EYS: variants seen among roughly 807,000 people sequenced by gnomAD.
EYS encodes protein eyes shut homolog.
EYS carries 250 observed loss-of-function variants against 282.1 expected under a neutral mutation model. The ratio of observed to expected loss-of-function variants is 0.89; its 90% confidence interval spans 0.80 to 0.98. The LOEUF (loss-of-function observed/expected upper bound fraction) is 0.98. Ranked by LOEUF, EYS falls within the 50% of genes least tolerant of loss-of-function variation. EYS has a pLI of 0.00. For missense variants in EYS, 4,016 were observed against 3,709.0 expected, an observed-to-expected ratio of 1.08 and a Z score of -2.15; for synonymous variants, 1,355 against 1,282.9, an observed-to-expected ratio of 1.06 and a Z score of -1.20.
At chr6:64,297,995 AAAAATT>A (rs1298474642) in intron 30 of EYS, among the ~76,000 whole-genome samples, 2 of 151,618 alleles carry the variant, frequency 1.3e-5, no homozygotes, top group African/African-American at 2.4e-5. Context: ...AAAAAAAAAA[AAAAATT>A]AGGTAGAAAT....
intron 22 of EYS, among the ~76,000 whole-genome samples, chr6:64,715,658 T>C (rs1452686860): frequency 6.6e-6 from 1 of 152,174 alleles, no homozygotes; most frequent in African/African-American, 2.4e-5. Context: ...ATGTACCAAC[T>C]GGGAGAAAGA....
chr6:63,981,863 A>T (rs1767114384), intron 35 of EYS, among the ~76,000 whole-genome samples: 1 of 151,918 alleles, frequency 6.6e-6, no homozygotes, highest in African/African-American at 2.4e-5. Context: ...TCTTGAATAT[A>T]CATCTTTGAT....
intron 22 of EYS, among the ~76,000 whole-genome samples, chr6:64,696,797 G>A (rs1400299901): frequency 6.6e-6 from 1 of 152,134 alleles, no homozygotes; most frequent in Non-Finnish European, 1.5e-5. Context: ...CAAATGCTAA[G>A]GAAATTTGTC....
chr6:64,727,087 A>G (rs2149948609), intron 22 of EYS, among the ~76,000 whole-genome samples: 1 of 152,326 alleles, frequency 6.6e-6, no homozygotes, highest in East Asian at 1.9e-4. Flanking sequence ...ATACAAAAAT[A>G]TAAGTGTAAT....
intron 29 of EYS, among the ~76,000 whole-genome samples, chr6:64,386,157 G>A (rs1454135974): frequency 1.3e-5 from 2 of 152,142 alleles, no homozygotes; most frequent in Non-Finnish European, 2.9e-5. Context: ...ATATTCAGCA[G>A]GAACACACAC....
intron 22 of EYS, among the ~76,000 whole-genome samples, chr6:64,667,159 G>C (rs963627427): frequency 6.7e-6 from 1 of 149,416 alleles, no homozygotes; most frequent in Non-Finnish European, 1.5e-5. Flanking sequence ...AGAGCACAGA[G>C]AACTTATTAA....
At chr6:64,404,780 T>C (rs1773654313) in intron 28 of EYS, among the ~76,000 whole-genome samples, 1 of 152,144 alleles carries the variant, frequency 6.6e-6, no homozygotes, top group African/African-American at 2.4e-5. Flanking sequence ...ATCAGTGGAC[T>C]GGCAGAATTA....
At chr6:65,485,700 GAGCGTA>G (rs1765758683) in intron 5 of EYS, among the ~76,000 whole-genome samples, 1 of 152,132 alleles carries the variant, frequency 6.6e-6, no homozygotes, top group African/African-American at 2.4e-5. Context: ...AGCTACTTGG[GAGCGTA>G]AGACAGGCAA....
At chr6:65,558,801 AGAG>A (rs1243337597) in intron 2 of EYS, among the ~76,000 whole-genome samples, 1 of 152,226 alleles carries the variant, frequency 6.6e-6, no homozygotes, top group African/African-American at 2.4e-5. Context: ...GAGAACACAC[AGAG>A]GATAATTCTA....
At chr6:64,549,037 A>G (rs540046644) in intron 26 of EYS, among the ~76,000 whole-genome samples, 7 of 152,242 alleles carry the variant, frequency 4.6e-5, no homozygotes, top group African/African-American at 1.7e-4. Flanking sequence ...GAAGCACTCA[A>G]ATCACCTTAT....
chr6:64,329,070 T>G (rs1177241629), intron 29 of EYS, among the ~76,000 whole-genome samples: 1 of 152,112 alleles, frequency 6.6e-6, no homozygotes, highest in East Asian at 1.9e-4. Context: ...TTATGAGGAC[T>G]GAGACAGACC....
intron 29 of EYS, among the ~76,000 whole-genome samples, chr6:64,333,030 C>T (rs1435962865): frequency 1.3e-5 from 2 of 152,060 alleles, no homozygotes; most frequent in Admixed American, 1.3e-4. Flanking sequence ...TAGTAGAAGC[C>T]TGGTCCAGAA....
chr6:65,525,471 A>T (rs1364777956), intron 2 of EYS, among the ~76,000 whole-genome samples: 4 of 152,158 alleles, frequency 2.6e-5, no homozygotes, highest in African/African-American at 7.2e-5. Context: ...AACTTAACTC[A>T]TGATCTGCTA....
At chr6:65,311,769 C>G (rs1351081830) in intron 11 of EYS, among the ~76,000 whole-genome samples, 3 of 152,130 alleles carry the variant, frequency 2.0e-5, no homozygotes, top group African/African-American at 7.2e-5. Context: ...GTTTAGTAGG[C>G]TCTCCAAATT....
chr6:63,849,086 C>T (rs192558571), intron 36 of EYS, among the ~76,000 whole-genome samples: 227 of 152,292 alleles, frequency 1.5e-3, no homozygotes, highest in African/African-American at 4.9e-3. Context: ...TCAGACTAGG[C>T]GGAGCCCACC....
At chr6:65,673,349 T>C (rs1562320829) in intron 1 of EYS, among the ~76,000 whole-genome samples, 1 of 151,868 alleles carries the variant, frequency 6.6e-6, no homozygotes. Flanking sequence ...GGCAATATTG[T>C]GGGGTTGTTA....
chr6:64,635,637 C>T (rs918586457), intron 22 of EYS, among the ~76,000 whole-genome samples: 13 of 152,094 alleles, frequency 8.5e-5, no homozygotes, highest in African/African-American at 1.4e-4. Flanking sequence ...TATTGATTTG[C>T]GTATATTGAA....
intron 26 of EYS, among the ~76,000 whole-genome samples, chr6:64,496,568 C>CT (rs1221689698): frequency 6.6e-6 from 1 of 151,882 alleles, no homozygotes; most frequent in East Asian, 1.9e-4. Flanking sequence ...GTATATCTTT[C>CT]TTCTTAAGTA....
At chr6:64,224,613 T>C (rs914793875) in intron 31 of EYS, among the ~76,000 whole-genome samples, 2 of 152,106 alleles carry the variant, frequency 1.3e-5, no homozygotes, top group Admixed American at 1.3e-4. Context: ...TTTAAGATAA[T>C]ATTTTCTCCA....
Sources: allele counts gnomAD v4.1 joint callset (sites outside exome capture counted in the v4.1 genomes callset), GRCh38; gene constraint gnomAD v4.1.1; transcripts MANE v1.5; gene names NCBI Gene and HGNC (gene_info 2026-07-23, HGNC 2026-07-21).